The following AFAP1L2 variants were observed in gnomAD, a reference collection of about 807,000 sequenced individuals.
AFAP1L2 encodes actin filament associated protein 1 like 2, also known as actin filament-associated protein 1-like 2.
Under a neutral mutation model 99.3 loss-of-function variants are expected in AFAP1L2, and 46 were observed. The ratio of observed to expected loss-of-function variants is 0.46; its 90% confidence interval spans 0.37 to 0.59. The LOEUF (loss-of-function observed/expected upper bound fraction) is 0.59. AFAP1L2 is among the 20% of genes least tolerant of loss of function. The pLI is 0.00. For missense variants in AFAP1L2, 959 were observed against 1,034.9 expected, an observed-to-expected ratio of 0.93 and a Z score of 1.01; for synonymous variants, 397 against 419.1, an observed-to-expected ratio of 0.95 and a Z score of 0.64.
chr10:114,341,093 T>C (rs2048758560), intron 1 of AFAP1L2, among the ~76,000 whole-genome samples: 1 of 152,220 alleles, frequency 6.6e-6, no homozygotes, highest in African/African-American at 2.4e-5. Flanking sequence ...ACTTCCAAAA[T>C]GCTTTGAGAG....
At chr10:114,303,010 A>C (rs551986625) in intron 11 of AFAP1L2, among the ~76,000 whole-genome samples, 32 of 152,324 alleles carry the variant, frequency 2.1e-4, no homozygotes, top group African/African-American at 7.7e-4. Flanking sequence ...AATACCTTAC[A>C]CTAGCTCAGC....
chr10:114,292,242 A>G (rs1046086208), downstream of AFAP1L2, among the ~76,000 whole-genome samples: 2 of 152,204 alleles, frequency 1.3e-5, no homozygotes, highest in East Asian at 1.9e-4. Context: ...TCACCACTGC[A>G]CTCCAGCCTG....
intron 1 of AFAP1L2, among the ~76,000 whole-genome samples, chr10:114,342,011 C>T (rs1179493960): frequency 2.6e-5 from 4 of 152,188 alleles, no homozygotes; most frequent in African/African-American, 4.8e-5. Context: ...AAGACGGCTA[C>T]GTGGGTGACC....
At chr10:114,312,282 T>C (rs2134582663) in intron 7 of AFAP1L2, among the ~76,000 whole-genome samples, 1 of 138,614 alleles carries the variant, frequency 7.2e-6, no homozygotes, top group Non-Finnish European at 1.6e-5. Context: ...TGTGTGTGTG[T>C]ACATATACAT....
intron 1 of AFAP1L2, among the ~76,000 whole-genome samples, chr10:114,380,125 A>G (rs1398856769): frequency 1.3e-5 from 2 of 152,192 alleles, no homozygotes; most frequent in South Asian, 2.1e-4. Flanking sequence ...GGTGATGACC[A>G]TATTTATGTC....
intron 1 of AFAP1L2, among the ~76,000 whole-genome samples, chr10:114,354,869 C>A (rs1200905737): frequency 6.6e-6 from 1 of 152,198 alleles, no homozygotes; most frequent in Non-Finnish European, 1.5e-5. Context: ...CAACAAATTC[C>A]CTTTTCACAT....
At chr10:114,311,741 C>T (rs1427212205) in intron 7 of AFAP1L2, among the ~76,000 whole-genome samples, 1 of 152,222 alleles carries the variant, frequency 6.6e-6, no homozygotes, top group Non-Finnish European at 1.5e-5. Context: ...GTCATGCTTC[C>T]TGGGAAAAGC....
chr10:114,327,145 A>ATT (rs1237414110), intron 4 of AFAP1L2, among the ~76,000 whole-genome samples: 38 of 46,448 alleles, frequency 8.2e-4, no homozygotes, highest in South Asian at 6.5e-3. Flanking sequence ...TTTTATATAT[A>ATT]TTTATATATA....
chr10:114,351,187 T>G (rs150845724), intron 1 of AFAP1L2, among the ~76,000 whole-genome samples: 92 of 152,320 alleles, frequency 6.0e-4, no homozygotes, highest in African/African-American at 2.0e-3. Flanking sequence ...AATTATCTTT[T>G]GGTGGAGGGG....
intron 7 of AFAP1L2, among the ~76,000 whole-genome samples, chr10:114,313,551 C>T (rs1399503777): frequency 6.6e-6 from 1 of 152,146 alleles, no homozygotes; most frequent in Non-Finnish European, 1.5e-5. Context: ...TGCTAATAGT[C>T]CTGGGTCTAT....
intron 1 of AFAP1L2, among the ~76,000 whole-genome samples, chr10:114,396,324 A>G (rs1317861695): frequency 6.6e-6 from 1 of 152,110 alleles, no homozygotes; most frequent in Non-Finnish European, 1.5e-5. Flanking sequence ...AATAAATAAA[A>G]AGGAAAACAC....
Position 114,308,424 on chromosome 10 carries a change from T to C in AFAP1L2, c.967+9A>G, listed in dbSNP as rs1215189178. ...GGACACCATTCCCCTCCCAACCACATGATGTTACCGTCTTTGGTTTCTGGG... is the reference window on the plus strand; with the variant it reads ...GGACACCATTCCCCTCCCAACCACACGATGTTACCGTCTTTGGTTTCTGGG... On this transcript the variant is annotated intron_variant, in intron 9 of 18. Coordinates refer to ENST00000304129, the MANE Select transcript of AFAP1L2 (RefSeq NM_001001936.3). 1 of 1,612,696 alleles carries C rather than the reference T, an allele frequency of 6.2e-7. No individual in the cohort carries two copies. The highest frequency in any genetic ancestry group is 2.2e-5 in the East Asian group (1 of 44,866).
At chr10:114,285,824 G>T in the AFAP1L2 span, 4 of 1,162,132 alleles carry the variant, frequency 3.4e-6, no homozygotes, top group South Asian at 4.9e-5. Context: ...AGCTTGGGGG[G>T]CCCACAGTTT....
intron 1 of AFAP1L2, among the ~76,000 whole-genome samples, chr10:114,351,455 G>C (rs28402106): frequency 0.22 from 33,950 of 152,160 alleles, 4,784 homozygotes; most frequent in African/African-American, 0.4. Context: ...TAATGAGACA[G>C]CATTGGACAG....
At chr10:114,336,764 T>C (rs539986887) in intron 2 of AFAP1L2, among the ~76,000 whole-genome samples, 6 of 152,172 alleles carry the variant, frequency 3.9e-5, no homozygotes, top group South Asian at 4.2e-4. Context: ...TGGTGAAGGC[T>C]AGAATAGACA....
the AFAP1L2 span, chr10:114,286,351 G>A: frequency 9.2e-5 from 148 of 1,613,660 alleles, no homozygotes; most frequent in Middle Eastern, 1.5e-3. Flanking sequence ...ACGCAAGGGC[G>A]CGAGAGCTGC....
At chr10:114,371,113 T>A (rs928998997) in intron 1 of AFAP1L2, among the ~76,000 whole-genome samples, 3 of 152,142 alleles carry the variant, frequency 2.0e-5, no homozygotes, top group African/African-American at 7.2e-5. Context: ...GAGAGGACAC[T>A]CCGTAAGTGC....
intron 1 of AFAP1L2, among the ~76,000 whole-genome samples, chr10:114,349,559 A>AG (rs1169676535): frequency 6.7e-6 from 1 of 149,768 alleles, no homozygotes; most frequent in African/African-American, 2.5e-5. Context: ...CGCTTGGAAA[A>AG]AAAAAAAAAA....
Position 114,298,590 on chromosome 10 carries a change from C to G in AFAP1L2, c.2113+670G>C, listed in dbSNP as rs1430332184. ...CTGGGCATGGTGGCTCACGCTCACA[C>G]CTGTAATCCCAGCACTTTGGGAGGC... On this transcript the variant is annotated intron_variant, in intron 16 of 18. Coordinates refer to ENST00000304129, the MANE Select transcript of AFAP1L2 (RefSeq NM_001001936.3). Among the ~76,000 whole-genome samples, 3 of 152,098 alleles carry G rather than the reference C, an allele frequency of 2.0e-5. No homozygotes were observed. In the East Asian group the frequency reaches 5.8e-4, roughly 29 times the overall value.
Sources: gnomAD v4.1 joint callset for allele counts (sites outside exome capture counted in the v4.1 genomes callset) on GRCh38, gnomAD v4.1.1 for gene constraint, MANE v1.5 for transcripts, NCBI Gene and HGNC (gene_info 2026-07-23, HGNC 2026-07-21) for gene names.